The following SLC9A9 variants were observed in gnomAD, a reference collection of about 807,000 sequenced individuals.
SLC9A9 encodes the protein solute carrier family 9 member A9.
In SLC9A9, 62 loss-of-function variants were observed where a neutral mutation model predicts 77.8. That is an observed-to-expected ratio of 0.80 (90% CI 0.65 to 0.98). The LOEUF is 0.98. Among genes scored for constraint, SLC9A9 ranks in the 50% least tolerant of loss-of-function variants. The pLI, the probability that SLC9A9 is intolerant of heterozygous loss-of-function variation, is 0.00. For synonymous variants in SLC9A9, 320 were observed against 283.5 expected (o/e 1.13, Z -1.29); for missense variants, 775 against 774.9 (o/e 1.00, Z 0.00).
intron 12 of SLC9A9, among the ~76,000 whole-genome samples, chr3:143,424,750 A>C (rs992194877): frequency 2.6e-5 from 4 of 152,208 alleles, no homozygotes; most frequent in Non-Finnish European, 4.4e-5. Flanking sequence ...AAGAAAGAAT[A>C]CAGATGCTGC....
At chr3:143,605,985 T>C (rs577640098) in intron 6 of SLC9A9, among the ~76,000 whole-genome samples, 38 of 152,328 alleles carry the variant, frequency 2.5e-4, no homozygotes, top group Non-Finnish European at 4.3e-4. Context: ...CTCTGCTCCA[T>C]GCTATTTATA....
intron 5 of SLC9A9, among the ~76,000 whole-genome samples, chr3:143,678,795 A>C (rs1269878182): frequency 6.6e-6 from 1 of 152,194 alleles, no homozygotes; most frequent in Non-Finnish European, 1.5e-5. Flanking sequence ...GTAAGTTTTC[A>C]TTGAAATTAC....
intron 12 of SLC9A9, among the ~76,000 whole-genome samples, chr3:143,448,715 A>C (rs1416434270): frequency 6.7e-6 from 1 of 150,126 alleles, no homozygotes; most frequent in Non-Finnish European, 1.5e-5. Flanking sequence ...GAAATTAGAG[A>C]TATAATAATT....
chr3:143,424,270 C>A (rs902516499), intron 12 of SLC9A9, among the ~76,000 whole-genome samples: 1 of 90,554 alleles, frequency 1.1e-5, no homozygotes, highest in Non-Finnish European at 2.3e-5. Context: ...ATACTTGAAA[C>A]CTTTTTTTTT....
chr3:143,735,914 C>T (rs1934930449), intron 4 of SLC9A9, among the ~76,000 whole-genome samples: 1 of 152,144 alleles, frequency 6.6e-6, no homozygotes, highest in African/African-American at 2.4e-5. Context: ...GTAACTGGGC[C>T]ATTTTCAGAT....
At chr3:143,764,993 TCCTTCCTTTCTTTCTTTCTCTCTTTC>T (rs201497676) in intron 4 of SLC9A9, among the ~76,000 whole-genome samples, 34 of 150,176 alleles carry the variant, frequency 2.3e-4, no homozygotes, top group African/African-American at 6.9e-4. Flanking sequence ...CTTCCTTCCT[TCCTTCCTTTCTTTCTTTCTCTCTTTC>T]TCTTTCTTTC....
At chr3:143,436,103 G>A (rs1382802839) in intron 12 of SLC9A9, among the ~76,000 whole-genome samples, 5 of 152,062 alleles carry the variant, frequency 3.3e-5, no homozygotes, top group South Asian at 2.1e-4. Flanking sequence ...CTCTTGCTCC[G>A]AGTTCCATCA....
At chr3:143,482,144 T>A (rs1037919180) in intron 11 of SLC9A9, among the ~76,000 whole-genome samples, 2 of 152,206 alleles carry the variant, frequency 1.3e-5, no homozygotes, top group Admixed American at 1.3e-4. Context: ...TGAGTAGCAA[T>A]GGCAGCCTTT....
intron 12 of SLC9A9, among the ~76,000 whole-genome samples, chr3:143,420,311 G>T (rs2034273282): frequency 6.6e-6 from 1 of 152,162 alleles, no homozygotes; most frequent in Non-Finnish European, 1.5e-5. Context: ...AAAGTTCTTA[G>T]TACAATAGGC....
chr3:143,443,041 A>G (rs904451893), intron 12 of SLC9A9, among the ~76,000 whole-genome samples: 1 of 151,986 alleles, frequency 6.6e-6, no homozygotes, highest in African/African-American at 2.4e-5. Context: ...TAAGGACTCC[A>G]TTTACAGCCT....
intron 8 of SLC9A9, among the ~76,000 whole-genome samples, chr3:143,568,506 AG>A (rs1366496138): frequency 6.6e-6 from 1 of 152,190 alleles, no homozygotes; most frequent in Non-Finnish European, 1.5e-5. Flanking sequence ...TGGGAAAATA[AG>A]GTTACAGATT....
chr3:143,747,448 AG>A, intron 4 of SLC9A9, among the ~76,000 whole-genome samples: 1 of 150,830 alleles, frequency 6.6e-6, no homozygotes, highest in Non-Finnish European at 1.5e-5. Context: ...AGATGTGATT[AG>A]GTGAAAAATC....
At chr3:143,308,357 A>G (rs2030883906) in intron 14 of SLC9A9, among the ~76,000 whole-genome samples, 1 of 152,094 alleles carries the variant, frequency 6.6e-6, no homozygotes, top group Admixed American at 6.5e-5. Context: ...CGGGCGGATC[A>G]CGAGGCCAGG....
At chr3:143,595,726 A>G (rs370390159) in intron 6 of SLC9A9, among the ~76,000 whole-genome samples, 1 of 152,216 alleles carries the variant, frequency 6.6e-6, no homozygotes, top group African/African-American at 2.4e-5. Context: ...GACAAAGGAT[A>G]TATGGGAATA....
chr3:143,274,314 CTTA>C (rs1937982321), intron 14 of SLC9A9, among the ~76,000 whole-genome samples: 1 of 152,168 alleles, frequency 6.6e-6, no homozygotes, highest in Non-Finnish European at 1.5e-5. Flanking sequence ...TTCCATATGT[CTTA>C]TTTTCTCTTT....
chr3:143,496,944 C>T (rs899015369), intron 9 of SLC9A9, among the ~76,000 whole-genome samples: 5 of 152,100 alleles, frequency 3.3e-5, no homozygotes, highest in Admixed American at 2.0e-4. Context: ...TGCCAAAGGC[C>T]ATCTACTCGC....
intron 14 of SLC9A9, among the ~76,000 whole-genome samples, chr3:143,278,339 C>T (rs558671771): frequency 6.6e-6 from 1 of 152,290 alleles, no homozygotes; most frequent in East Asian, 1.9e-4. Flanking sequence ...CCAAAGTCTT[C>T]AAAGCTTTAT....
At chr3:143,621,540 C>G (rs1211694840) in intron 6 of SLC9A9, among the ~76,000 whole-genome samples, 1 of 152,198 alleles carries the variant, frequency 6.6e-6, no homozygotes, top group Non-Finnish European at 1.5e-5. Context: ...TCCAACAGAC[C>G]TGCAGCTGAG....
chr3:143,330,143 G>A (rs1274993667), intron 14 of SLC9A9, among the ~76,000 whole-genome samples: 4 of 152,212 alleles, frequency 2.6e-5, no homozygotes, highest in Non-Finnish European at 5.9e-5. Context: ...GCCGGCCAGA[G>A]CAATCGGCAG....
Sources: gnomAD v4.1 joint callset for allele counts (sites outside exome capture counted in the v4.1 genomes callset) on GRCh38, gnomAD v4.1.1 for gene constraint, MANE v1.5 for transcripts, NCBI Gene and HGNC (gene_info 2026-07-23, HGNC 2026-07-21) for gene names.